ATP9B: variants seen among roughly 807,000 people sequenced by gnomAD.
The protein encoded by ATP9B is ATPase phospholipid transporting 9B.
ATP9B carries 110 observed loss-of-function variants against 146.1 expected under a neutral mutation model. The ratio of observed to expected loss-of-function variants is 0.75; its 90% CI spans 0.65 to 0.88. The LOEUF is 0.88. Ranked by LOEUF, ATP9B falls within the 40% of genes least tolerant of loss-of-function variation. The pLI, the probability that ATP9B is intolerant of heterozygous loss-of-function variation, is 0.00. For synonymous variants in ATP9B, 604 were observed against 569.7 expected, an observed-to-expected ratio of 1.06 and a Z score of -0.86; for missense variants, 1,499 against 1,496.4, an observed-to-expected ratio of 1.00 and a Z score of -0.03.
chr18:79,196,119 C>T (rs2148186670), intron 9 of ATP9B, among the ~76,000 whole-genome samples: 1 of 152,326 alleles, frequency 6.6e-6, no homozygotes, highest in Admixed American at 6.5e-5. Flanking sequence ...GTGTTCTCAG[C>T]ATACGGAGCC....
At chr18:79,354,657 TC>T (rs2096940934) in intron 25 of ATP9B, 2 of 149,814 alleles carry the variant, frequency 1.3e-5, no homozygotes, top group African/African-American at 4.9e-5. Context: ...GTAGATGGGT[TC>T]CTCCCTGCTC....
chr18:79,176,907 G>A lies in ATP9B; in HGVS notation c.873G>A (p.Gly291=). 6.2e-7 allele frequency: 1 copy of A among 1,613,608 alleles called. No individual in the cohort carries two copies. The highest frequency in any genetic ancestry group is 8.5e-7 in the Non-Finnish European group (1 of 1,179,654). The part of the protein sequence containing the change: ...VSCTQQLPAL[G]DLFSISAYVY... ...GCACGCAACAGCTGCCGGCTCTGGG[G>A]GTGAGCAGCACCAAGACTACTCCAT... The change falls in exon 8 of 30, where the codon GGG becomes GGA. Residue 291 remains glycine, a splice_region_variant and synonymous_variant. Transcript: ENST00000426216.
rs371702341 is a variant in ATP9B at position 79,366,252 on chromosome 18, G to A, written c.3013-6573G>A. ...CTGCTCTGTCTGGCGCGGTGGTGGC[G>A]GACACCTGACCGTGCCTCTCTCAGA... is the stretch of plus-strand genomic sequence containing the variant. On this transcript the variant is annotated intron_variant, in intron 26 of 29. Transcript: ENST00000426216. Among the ~76,000 whole-genome samples the A allele has an allele frequency of 2.6e-3, 397 of 152,308 alleles. 1 individual carries two copies. The highest frequency in any genetic ancestry group is 6.9e-3 in the South Asian group (33 of 4,814).
At chr18:79,336,580 A>G in intron 17 of ATP9B, 48 bp from the exon 18 acceptor site, 1 of 1,578,766 alleles carries the variant, frequency 6.3e-7, no homozygotes, top group South Asian at 1.1e-5. Flanking sequence ...ACACACGGCC[A>G]CAGGGGCTCT....
At chr18:79,319,063 C>G (rs1427693134) in intron 15 of ATP9B, among the ~76,000 whole-genome samples, 1 of 152,112 alleles carries the variant, frequency 6.6e-6, no homozygotes, top group Non-Finnish European at 1.5e-5. Flanking sequence ...GCCAGCATCT[C>G]GGCCACCCAT....
intron 11 of ATP9B, among the ~76,000 whole-genome samples, chr18:79,242,087 T>C (rs1221646627): frequency 6.6e-6 from 1 of 152,236 alleles, no homozygotes; most frequent in Non-Finnish European, 1.5e-5. Flanking sequence ...TTTTAATGCC[T>C]GAGGTATGAA....
chr18:79,127,232 C>A (rs2094302155), intron 5 of ATP9B, among the ~76,000 whole-genome samples: 1 of 152,156 alleles, frequency 6.6e-6, no homozygotes, highest in South Asian at 2.1e-4. Context: ...GTAAAGTATA[C>A]AATTCAGTGT....
chr18:79,212,182 C>G (rs117624683), intron 10 of ATP9B, among the ~76,000 whole-genome samples: 1 of 152,064 alleles, frequency 6.6e-6, no homozygotes, highest in South Asian at 2.1e-4. Context: ...ATTCTAGTTA[C>G]GTTAGATATT....
rs181449966 is a variant in ATP9B, at chr18:79,248,607, G to A, written c.1108-4774G>A. On this transcript the variant is annotated intron_variant, in intron 11 of 29. Transcript: ENST00000426216. Reference sequence around the variant, plus strand: ...TGTTTTTCTGTACGTAGTCAGCCATGTACAAAGCTGTTCTTCTCTGCTAGT... The same window carrying A: ...TGTTTTTCTGTACGTAGTCAGCCATATACAAAGCTGTTCTTCTCTGCTAGT... Among the ~76,000 whole-genome samples the A allele has an allele frequency of 2.4e-3, 367 of 152,342 alleles. 2 individuals are homozygous for A. Among genetic ancestry groups the A allele is most frequent in the South Asian group, 6.4e-3 (31 of 4,830 alleles).
intron 15 of ATP9B, among the ~76,000 whole-genome samples, chr18:79,326,016 G>A (rs628979): frequency 3.6e-5 from 4 of 110,258 alleles, no homozygotes; most frequent in South Asian, 3.1e-4. Context: ...CCTCCCTCCC[G>A]TCATATAGTG....
intron 2 of ATP9B, among the ~76,000 whole-genome samples, chr18:79,103,157 C>T (rs944227574): frequency 2.0e-5 from 3 of 152,084 alleles, no homozygotes; most frequent in South Asian, 2.1e-4. Context: ...GAAGGGTCAC[C>T]GTCACCTTGT....
intron 20 of ATP9B, 124 bp from the exon 21 acceptor site, chr18:79,344,141 T>C (rs1416434060): frequency 2.3e-6 from 2 of 883,610 alleles, no homozygotes; most frequent in Non-Finnish European, 3.6e-6. Context: ...ATACTAAAGC[T>C]CCTTTGGTTT....
intron 8 of ATP9B, among the ~76,000 whole-genome samples, chr18:79,178,335 G>C (rs796966919): frequency 3.3e-5 from 5 of 152,292 alleles, no homozygotes; most frequent in African/African-American, 1.2e-4. Context: ...ATTCTGACGG[G>C]TGTGCAGTGA....
intron 2 of ATP9B, among the ~76,000 whole-genome samples, chr18:79,097,594 C>T (rs985222770): frequency 8.7e-6 from 1 of 115,470 alleles, no homozygotes; most frequent in African/African-American, 3.5e-5. Flanking sequence ...TCTCATTGTT[C>T]AATTCCCACC....
chr18:79,226,524 T>C (rs2095735760), intron 11 of ATP9B, among the ~76,000 whole-genome samples: 1 of 152,204 alleles, frequency 6.6e-6, no homozygotes, highest in Non-Finnish European at 1.5e-5. Flanking sequence ...CTGCACAGGG[T>C]CCCTGCTCAG....
At chr18:79,263,280 G>A (rs754153786) in intron 12 of ATP9B, among the ~76,000 whole-genome samples, 2 of 152,118 alleles carry the variant, frequency 1.3e-5, no homozygotes, top group Non-Finnish European at 2.9e-5. Flanking sequence ...ATACCAGAAC[G>A]CATGTGTACC....
At chr18:79,238,147 G>A (rs1408662404) in intron 11 of ATP9B, among the ~76,000 whole-genome samples, 2 of 151,798 alleles carry the variant, frequency 1.3e-5, no homozygotes, top group African/African-American at 4.8e-5. Flanking sequence ...CAATAAAAAT[G>A]TTGAGTTCAT....
intron 9 of ATP9B, among the ~76,000 whole-genome samples, chr18:79,203,003 ATAAT>A (rs2095502453): frequency 6.6e-6 from 1 of 152,266 alleles, no homozygotes; most frequent in South Asian, 2.1e-4. Context: ...ACATGCATCA[ATAAT>A]TAAACTTTCA....
At chr18:79,246,715 G>GCCCCGCACT (rs1453238376) in intron 11 of ATP9B, among the ~76,000 whole-genome samples, 1 of 152,154 alleles carries the variant, frequency 6.6e-6, no homozygotes, top group African/African-American at 2.4e-5. Flanking sequence ...TGCTGGCCGC[G>GCCCCGCACT]CCCCGCGCTC....
Sources: gnomAD v4.1 joint callset for allele counts (sites outside exome capture counted in the v4.1 genomes callset) on GRCh38, gnomAD v4.1.1 for gene constraint, MANE v1.5 for transcripts, NCBI Gene and HGNC (gene_info 2026-07-23, HGNC 2026-07-21) for gene names.